Variants in CSMD3 observed in about 807,000 individuals in gnomAD.
CSMD3 encodes the protein CUB and sushi domain-containing protein 3.
A neutral mutation model predicts 435.2 loss-of-function variants in CSMD3; 177 were observed. The observed-to-expected ratio is 0.41, with a 90% CI of 0.36 to 0.46. The LOEUF is 0.46. Ranked by LOEUF, CSMD3 falls within the 20% of genes least tolerant of loss-of-function variation. The pLI is 0.34. For missense variants in CSMD3, 4,265 were observed against 4,504.6 expected (o/e 0.95, Z 1.52); for synonymous variants, 1,656 against 1,520.5 (o/e 1.09, Z -2.07).
intron 20 of CSMD3, among the ~76,000 whole-genome samples, chr8:112,640,428 T>TA (rs200982347): frequency 4.0e-4 from 61 of 151,442 alleles, no homozygotes; most frequent in Middle Eastern, 3.4e-3. Flanking sequence ...TCCATTGTTT[T>TA]AAAAAAAAGG....
In CSMD3 at chr8:112,406,161, T is replaced by G. The variant is rs559710401; in HGVS notation, c.5809+363A>C. The stretch of plus-strand genomic sequence containing the variant: ...ACTCCATTAATATATACACCTACTG[T>G]GTACCCACAACAATTAAAAAAATAA... On this transcript the variant is annotated intron_variant, in intron 35 of 70. Transcript: ENST00000297405. 3.3e-5 allele frequency among the ~76,000 whole-genome samples: 5 copies of G among 152,190 alleles called. No homozygotes were observed. In the East Asian group the frequency reaches 9.7e-4, roughly 29 times the overall value.
At chr8:113,213,614 A>C (rs368190262) in intron 3 of CSMD3, among the ~76,000 whole-genome samples, 9 of 152,164 alleles carry the variant, frequency 5.9e-5, no homozygotes, top group African/African-American at 1.9e-4. Context: ...TTTAGATTTA[A>C]TATGATTATT....
intron 13 of CSMD3, among the ~76,000 whole-genome samples, chr8:112,773,510 G>A (rs1412756760): frequency 6.6e-6 from 1 of 152,000 alleles, no homozygotes; most frequent in Non-Finnish European, 1.5e-5. Context: ...GAATTAGAAA[G>A]GTATCTCAAC....
intron 31 of CSMD3, among the ~76,000 whole-genome samples, chr8:112,476,673 A>C (rs910366254): frequency 5.3e-5 from 8 of 152,198 alleles, no homozygotes; most frequent in African/African-American, 1.7e-4. Context: ...ACTGTGTTTT[A>C]TGTATGCCTA....
intron 3 of CSMD3, among the ~76,000 whole-genome samples, chr8:113,226,130 A>G (rs952681049): frequency 2.6e-5 from 4 of 151,482 alleles, no homozygotes; most frequent in African/African-American, 7.3e-5. Context: ...TCTTTTCTTT[A>G]TAAATTACCC....
At chr8:112,782,371 C>G (rs1326901765) in intron 13 of CSMD3, among the ~76,000 whole-genome samples, 2 of 151,640 alleles carry the variant, frequency 1.3e-5, no homozygotes, top group African/African-American at 4.8e-5. Context: ...GGAAGACAGG[C>G]CATTTGAAAA....
At chr8:113,106,517 A>G (rs1052536499) in intron 4 of CSMD3, among the ~76,000 whole-genome samples, 2 of 152,204 alleles carry the variant, frequency 1.3e-5, no homozygotes, top group Non-Finnish European at 2.9e-5. Flanking sequence ...AGTTCCAAAA[A>G]GGTTGTGGAG....
In CSMD3 at chr8:112,335,444, G is replaced by A. The variant is rs142588028; in HGVS notation, c.7050C>T (p.Ile2350=). 14 of 1,613,820 alleles carry A rather than the reference G, an allele frequency of 8.7e-6. No homozygotes were observed. The highest frequency in any genetic ancestry group is 3.3e-5 in the South Asian group (3 of 91,084). ...WDGPDQNSPQ[I]GQFSGNTALE... ...AAGCGGTATTGCCACTGAACTGACCGATCTGAGGTGAATTTTGGTCTGGTC... is the reference window on the plus strand; with the variant it reads ...AAGCGGTATTGCCACTGAACTGACCAATCTGAGGTGAATTTTGGTCTGGTC... Residue 2350 remains isoleucine (I), a synonymous_variant, in exon 45 of 71, where the codon ATC becomes ATT. Transcript: ENST00000297405.
chr8:112,446,453 A>G (rs1815616760), intron 32 of CSMD3, among the ~76,000 whole-genome samples: 1 of 152,248 alleles, frequency 6.6e-6, no homozygotes, highest in African/African-American at 2.4e-5. Flanking sequence ...TAGGCAGCCA[A>G]GTAATTCTTA....
intron 13 of CSMD3, among the ~76,000 whole-genome samples, chr8:112,799,717 T>C (rs1442502660): frequency 1.3e-5 from 2 of 151,982 alleles, no homozygotes; most frequent in African/African-American, 2.4e-5. Context: ...ATTTCACAAA[T>C]TTGTGAGCTA....
chr8:113,408,722 A>G (rs1244427975), intron 1 of CSMD3, among the ~76,000 whole-genome samples: 4 of 151,722 alleles, frequency 2.6e-5, no homozygotes, highest in Non-Finnish European at 5.9e-5. Flanking sequence ...CAGGGGCGAA[A>G]TCTTGGCTCA....
At chr8:112,493,489 C>T (rs553885034) in intron 30 of CSMD3, among the ~76,000 whole-genome samples, 1 of 152,156 alleles carries the variant, frequency 6.6e-6, no homozygotes, top group South Asian at 2.1e-4. Flanking sequence ...AACCATTTTT[C>T]TTACCCTATT....
At chr8:112,829,403 T>C (rs1040339990) in intron 12 of CSMD3, among the ~76,000 whole-genome samples, 7 of 152,184 alleles carry the variant, frequency 4.6e-5, no homozygotes, top group Admixed American at 1.3e-4. Flanking sequence ...ACCTTAATCT[T>C]GTATTTCCTA....
chr8:112,615,896 C>G (rs745478909), intron 22 of CSMD3, among the ~76,000 whole-genome samples: 1 of 152,136 alleles, frequency 6.6e-6, no homozygotes. Context: ...AAGGCTCCAA[C>G]AACTTATCTC....
chr8:113,160,409 C>T (rs948640603), intron 4 of CSMD3, among the ~76,000 whole-genome samples: 1 of 151,830 alleles, frequency 6.6e-6, no homozygotes, highest in Non-Finnish European at 1.5e-5. Context: ...AAACGTCTAA[C>T]GTATTCAAGG....
At chr8:112,315,353 G>T (rs930409228) in intron 47 of CSMD3, among the ~76,000 whole-genome samples, 1 of 151,846 alleles carries the variant, frequency 6.6e-6, no homozygotes, top group African/African-American at 2.4e-5. Context: ...AATTTTAGTT[G>T]TTGGCATCAA....
In CSMD3 at chr8:113,242,830, A is replaced by G. The variant is rs1254716027; in HGVS notation, c.514+35762T>C. 2.0e-5 allele frequency among the ~76,000 whole-genome samples: 3 copies of G among 151,982 alleles called. No individual in the cohort carries two copies. The East Asian group carries it at 5.8e-4, about 29-fold the overall frequency. On this transcript the variant is annotated intron_variant, in intron 3 of 70. Coordinates refer to ENST00000297405, the MANE Select transcript of CSMD3 (RefSeq NM_198123.2). ...GGAAGACATTGAATATACCTAAAAT[A>G]TAGGTAAAGTTCTCACGATTCTCAA...
chr8:112,289,245 G>A, intron 57 of CSMD3, 120 bp downstream of exon 57: 1 of 890,104 alleles, frequency 1.1e-6, no homozygotes, highest in Non-Finnish European at 1.9e-6. Context: ...CTTTTCTTAT[G>A]AGATTTTTCA....
intron 11 of CSMD3, among the ~76,000 whole-genome samples, chr8:112,856,998 G>A (rs2080680089): frequency 1.3e-5 from 2 of 151,696 alleles, no homozygotes; most frequent in Admixed American, 6.6e-5. Context: ...CATAATCAAT[G>A]TTTTAATAAT....
Sources: gnomAD v4.1 joint callset for allele counts (sites outside exome capture counted in the v4.1 genomes callset) on GRCh38, gnomAD v4.1.1 for gene constraint, MANE v1.5 for transcripts, NCBI Gene and HGNC (gene_info 2026-07-23, HGNC 2026-07-21) for gene names.